The following CORO2A variants were observed in gnomAD, a reference collection of about 807,000 sequenced individuals.
CORO2A encodes coronin-2A.
A neutral mutation model predicts 62.4 loss-of-function variants in CORO2A; 47 were observed. The observed-to-expected ratio is 0.75, with a 90% confidence interval of 0.60 to 0.96. The LOEUF (loss-of-function observed/expected upper bound fraction) is 0.96. CORO2A is among the 40% of genes least tolerant of loss of function. The pLI, the probability that CORO2A is intolerant of heterozygous loss-of-function variation, is 0.00. For synonymous variants in CORO2A, 273 were observed against 268.9 expected (o/e 1.02, Z -0.15); for missense variants, 610 against 684.1 (o/e 0.89, Z 1.21).
chr9:98,171,085 G>A (rs187659433), intron 1 of CORO2A, among the ~76,000 whole-genome samples: 4 of 152,316 alleles, frequency 2.6e-5, no homozygotes, highest in East Asian at 3.9e-4. Context: ...AGTTTCGAGC[G>A]ACAAGGATCA....
intron 10 of CORO2A, chr9:98,127,083 A>G: frequency 1.8e-6 from 1 of 549,680 alleles, no homozygotes; most frequent in Non-Finnish European, 3.3e-6. Flanking sequence ...CAGCCCCCAA[A>G]CACTTCAAAC....
intron 4 of CORO2A, among the ~76,000 whole-genome samples, chr9:98,134,536 A>G (rs772706016): frequency 3.3e-5 from 5 of 152,162 alleles, no homozygotes; most frequent in Non-Finnish European, 7.4e-5. Context: ...TCCTCTTCCT[A>G]TAAGGAAGAC....
intron 1 of CORO2A, among the ~76,000 whole-genome samples, chr9:98,190,786 G>A (rs1828296726): frequency 6.6e-6 from 1 of 152,250 alleles, no homozygotes; most frequent in Non-Finnish European, 1.5e-5. Context: ...CGAGATGACA[G>A]GAGACCCAGG....
chr9:98,174,912 T>C (rs900475285), intron 1 of CORO2A, among the ~76,000 whole-genome samples: 3 of 152,132 alleles, frequency 2.0e-5, no homozygotes, highest in Non-Finnish European at 4.4e-5. Context: ...TGCCACGGAA[T>C]TGTATACTTA....
chr9:98,141,389 T>C (rs1827565445), intron 2 of CORO2A, among the ~76,000 whole-genome samples: 1 of 150,442 alleles, frequency 6.6e-6, no homozygotes, highest in African/African-American at 2.5e-5. Flanking sequence ...TCTCGTCTTG[T>C]TGCTCAGGCT....
At chr9:98,166,199 T>C (rs1827959012) in intron 1 of CORO2A, among the ~76,000 whole-genome samples, 1 of 152,192 alleles carries the variant, frequency 6.6e-6, no homozygotes, top group Admixed American at 6.5e-5. Flanking sequence ...AGTTTTCTGG[T>C]TTCTAACATT....
intron 2 of CORO2A, among the ~76,000 whole-genome samples, chr9:98,144,493 T>C (rs1485440924): frequency 1.3e-5 from 2 of 152,290 alleles, no homozygotes; most frequent in African/African-American, 2.4e-5. Flanking sequence ...GGACATACTA[T>C]GTGCCAGACT....
intron 2 of CORO2A, among the ~76,000 whole-genome samples, chr9:98,149,255 T>A (rs936478246): frequency 3.3e-5 from 5 of 152,156 alleles, no homozygotes; most frequent in Non-Finnish European, 7.4e-5. Context: ...TATCTGAAAG[T>A]CAAATTAAAC....
rs1827291571 is a variant in CORO2A at position 98,124,698 on chromosome 9, G to A, written c.*76C>T. The A allele has an allele frequency of 7.3e-7, 1 of 1,363,068 alleles. No homozygotes were observed. The highest frequency in any genetic ancestry group is 9.7e-7 in the Non-Finnish European group (1 of 1,026,186). 84.4% of individuals were successfully genotyped at this position (1,363,068 alleles called of 1,614,324 possible). On this transcript the variant is annotated 3_prime_UTR_variant, in exon 12 of 12. Transcript: ENST00000375077. ...TAGAAATAGTGGTTGTCCTTGAGGG[G>A]ACTTGTGGTTTGGTTCTAAACCTCC...
chr9:98,128,191 A>G lies in CORO2A; in HGVS notation c.1150T>C (p.Trp384Arg). 6.2e-7 allele frequency: 1 copy of G among 1,612,780 alleles called. No homozygotes were observed. The highest frequency in any genetic ancestry group is 8.5e-7 in the Non-Finnish European group (1 of 1,179,394). ...GAQPSLTAQE[W>R]LSGMNRDPIL... ...TCACCTCGATTCATCCCGCTGAGCC[A>G]CTCCTGGGCCGTCAGGGAGGGCTGG... is the stretch of plus-strand genomic sequence containing the variant. Residue 384 changes from tryptophan to arginine, a missense_variant, in exon 10 of 12, where the codon TGG (tryptophan) becomes CGG (arginine). Trp to Arg is a moderately radical substitution (Grantham distance 101). Coordinates refer to ENST00000375077, the MANE Select transcript of CORO2A (RefSeq NM_052820.4).
chr9:98,159,328 G>A lies in CORO2A; in HGVS notation c.1-1668C>T, dbSNP rs558615106. Among the ~76,000 whole-genome samples, 36 of 152,230 alleles carry A rather than the reference G, an allele frequency of 2.4e-4. No homozygotes were observed. In the East Asian group the frequency reaches 2.9e-3, roughly 12 times the overall value. On this transcript the variant is annotated intron_variant, in intron 1 of 11. Coordinates refer to ENST00000375077, the MANE Select transcript of CORO2A (RefSeq NM_052820.4). The stretch of plus-strand genomic sequence containing the variant: ...CCTCTCAAAGGTTGGGATTAAAGGC[G>A]TGAGCCACTGCCCCTGGCCTCACAT...
At chr9:98,169,558 T>C (rs1372861318) in intron 1 of CORO2A, among the ~76,000 whole-genome samples, 1 of 151,928 alleles carries the variant, frequency 6.6e-6, no homozygotes, top group Non-Finnish European at 1.5e-5. Context: ...GCACCCCGGG[T>C]CCCCTCTGTC....
intron 1 of CORO2A, among the ~76,000 whole-genome samples, chr9:98,183,998 G>T (rs546122939): frequency 2.6e-4 from 39 of 152,260 alleles, no homozygotes; most frequent in African/African-American, 9.4e-4. Context: ...TAGTTACATA[G>T]CATTTACATT....
chr9:98,135,956 A>G (rs1225023248), intron 3 of CORO2A, among the ~76,000 whole-genome samples: 1 of 152,180 alleles, frequency 6.6e-6, no homozygotes, highest in Non-Finnish European at 1.5e-5. Context: ...GCAACACTGA[A>G]GCAGAGAAGA....
intron 2 of CORO2A, among the ~76,000 whole-genome samples, chr9:98,149,959 G>A (rs987960755): frequency 5.4e-5 from 8 of 147,850 alleles, no homozygotes; most frequent in African/African-American, 7.5e-5. Context: ...AGAGAGTCTC[G>A]CACTGTTGCC....
rs566871837 is a variant in CORO2A, at chr9:98,160,794, C to T, written c.1-3134G>A. Among the ~76,000 whole-genome samples the T allele has an allele frequency of 4.6e-5, 7 of 151,266 alleles. No homozygotes were observed. The South Asian group carries it at 1.5e-3, about 31-fold the overall frequency. ...TCCCATTGCTCCCCTCATGTCCAGG[C>T]CCCTTCCAGTCAGGCAGCCATAGCA... On this transcript the variant is annotated intron_variant, in intron 1 of 11. Transcript: ENST00000375077.
rs967741603 is a variant in CORO2A at position 98,157,559 on chromosome 9, G to T, written c.102C>A (p.Ser34Arg). 2 of 1,614,074 alleles carry T rather than the reference G, an allele frequency of 1.2e-6. No individual in the cohort carries two copies. The highest frequency in any genetic ancestry group is 1.3e-5 in the African/African-American group (1 of 74,940). The change falls in exon 2 of 12, where the codon AGC becomes AGA. Residue 34 changes from serine to arginine, a missense_variant. Physicochemically the swap from Ser to Arg is moderately radical, Grantham distance 110 (BLOSUM62 -1). Coordinates refer to ENST00000375077, the MANE Select transcript of CORO2A (RefSeq NM_052820.4). ...NCYDSVPITR[S>R]VHDNHFCAVN... ...CGGCACAGAAGTGGTTGTCGTGAAC[G>T]CTGCGGGTGATAGGCACGGAGTCGT...
chr9:98,186,574 G>A (rs982904208), intron 1 of CORO2A, among the ~76,000 whole-genome samples: 86 of 152,110 alleles, frequency 5.7e-4, no homozygotes, highest in African/African-American at 2.0e-3. Context: ...CTGTTTTCCT[G>A]CCTTTTTCTG....
At chr9:98,168,377 C>A (rs4743176) in intron 1 of CORO2A, among the ~76,000 whole-genome samples, 71,525 of 152,152 alleles carry the variant, frequency 0.47, 17,005 homozygotes, top group African/African-American at 0.53. Context: ...AATACACATA[C>A]TAGCTAACGC....
Sources: gnomAD v4.1 joint callset for allele counts (sites outside exome capture counted in the v4.1 genomes callset) on GRCh38, gnomAD v4.1.1 for gene constraint, MANE v1.5 for transcripts, NCBI Gene and HGNC (gene_info 2026-07-23, HGNC 2026-07-21) for gene names.